Variants in TTC29 observed in about 807,000 individuals in gnomAD.
TTC29 encodes tetratricopeptide repeat domain 29.
Under a neutral mutation model 58.1 loss-of-function variants are expected in TTC29, and 49 were observed. That is an observed-to-expected ratio of 0.84 (90% CI 0.67 to 1.07). The LOEUF (loss-of-function observed/expected upper bound fraction) is 1.07, where lower values mean the gene tolerates loss of function less well. Ranked by LOEUF, TTC29 falls within the 50% of genes least tolerant of loss-of-function variation. The pLI is 0.00. For missense variants in TTC29, 582 were observed against 555.6 expected, an observed-to-expected ratio of 1.05 and a Z score of -0.48; for synonymous variants, 209 against 196.8, an observed-to-expected ratio of 1.06 and a Z score of -0.52.
chr4:146,756,032 C>A (rs149194080), intron 11 of TTC29, among the ~76,000 whole-genome samples: 1 of 151,870 alleles, frequency 6.6e-6, no homozygotes, highest in Non-Finnish European at 1.5e-5. Flanking sequence ...CCCAGCAATT[C>A]GGGAGGCCGA....
chr4:146,721,808 CA>C (rs1743380773), intron 11 of TTC29, among the ~76,000 whole-genome samples: 1 of 152,060 alleles, frequency 6.6e-6, no homozygotes, highest in African/African-American at 2.4e-5. Flanking sequence ...AAGTCCTACC[CA>C]GAGCAATCAG....
chr4:146,808,882 T>A (rs1579723795), intron 10 of TTC29, among the ~76,000 whole-genome samples: 1 of 151,600 alleles, frequency 6.6e-6, no homozygotes, highest in Non-Finnish European at 1.5e-5. Context: ...TTAGAAAAAA[T>A]TACTTTAAAT....
intron 4 of TTC29, among the ~76,000 whole-genome samples, chr4:146,910,911 G>A (rs1195937221): frequency 1.3e-5 from 2 of 152,134 alleles, no homozygotes; most frequent in Non-Finnish European, 2.9e-5. Flanking sequence ...AGAAAAGTAT[G>A]GAGAAAGGCA....
chr4:146,760,636 A>G (rs1746812765), intron 11 of TTC29, among the ~76,000 whole-genome samples: 1 of 151,678 alleles, frequency 6.6e-6, no homozygotes, highest in Non-Finnish European at 1.5e-5. Context: ...GAACCCAAAT[A>G]CTTCGAGCCA....
intron 2 of TTC29, among the ~76,000 whole-genome samples, 187 bp from the exon 3 acceptor site, chr4:146,940,088 C>A (rs73855090): frequency 0.075 from 11,368 of 152,156 alleles, 1,441 homozygotes; most frequent in African/African-American, 0.26. Context: ...TCATTATTTT[C>A]TTCCATTGTC....
intron 6 of TTC29, among the ~76,000 whole-genome samples, chr4:146,895,896 T>G (rs1292725722): frequency 6.6e-6 from 1 of 152,142 alleles, no homozygotes; most frequent in Non-Finnish European, 1.5e-5. Context: ...TTCTACTTGT[T>G]TTTTTAATAG....
chr4:146,924,604 C>T (rs1734802665), intron 4 of TTC29, among the ~76,000 whole-genome samples: 2 of 151,740 alleles, frequency 1.3e-5, no homozygotes, highest in Admixed American at 1.3e-4. Flanking sequence ...CTTTTCATTT[C>T]CCAAATTGGT....
intron 7 of TTC29, among the ~76,000 whole-genome samples, chr4:146,869,097 TAAAAA>T (rs35029868): frequency 6.3e-5 from 7 of 110,464 alleles, no homozygotes; most frequent in Admixed American, 1.9e-4. Flanking sequence ...GAGCTTTAAG[TAAAAA>T]AAAAAAAAAA....
rs1013522369 is a variant in TTC29 at position 146,820,340 on chromosome 4, G to A, written c.978-92C>T. On this transcript the variant is annotated intron_variant, in intron 9 of 12. Coordinates refer to ENST00000325106, the MANE Select transcript of TTC29 (RefSeq NM_031956.4). ...ATCTTGTGTCTTTGCTGTAGAAAAT[G>A]CAAGATGGTTATCAGGATAATAAGA... 4.4e-6 allele frequency: 6 copies of A among 1,368,600 alleles called. No individual in the cohort carries two copies. The Admixed American group carries it at 1.5e-4, about 35-fold the overall frequency. 84.8% of individuals were successfully genotyped at this position (1,368,600 alleles called of 1,614,324 possible).
At position 146,915,047 on chromosome 4, in the gene TTC29, T is replaced by C. The variant is rs139863672; in HGVS notation, c.177-5798A>G. On this transcript the variant is annotated intron_variant, in intron 4 of 12. Transcript: ENST00000325106. ...GCACTGTGTAGACATCATTTCTAAC[T>C]GGCACAATAACTGTATAAAGAACTA... Among the ~76,000 whole-genome samples the C allele has an allele frequency of 5.1e-4, 78 of 152,254 alleles. 1 individual carries two copies. In the East Asian group the frequency reaches 0.014, roughly 27 times the overall value.
At chr4:146,792,546 T>C (rs1749539756) in intron 11 of TTC29, among the ~76,000 whole-genome samples, 1 of 152,154 alleles carries the variant, frequency 6.6e-6, no homozygotes, top group Non-Finnish European at 1.5e-5. Context: ...GCACCCAAGA[T>C]TGCTCTGATA....
At chr4:146,781,690 C>T (rs1012259333) in intron 11 of TTC29, among the ~76,000 whole-genome samples, 2 of 151,956 alleles carry the variant, frequency 1.3e-5, no homozygotes, top group East Asian at 3.9e-4. Flanking sequence ...TATTCCAATA[C>T]TGCCTTATCT....
chr4:146,863,480 G>A (rs963369479), intron 8 of TTC29, among the ~76,000 whole-genome samples: 4 of 152,156 alleles, frequency 2.6e-5, no homozygotes, highest in African/African-American at 9.7e-5. Context: ...ATGTTCTCCA[G>A]AGAAACAGAA....
chr4:146,772,321 G>A (rs1386885928), intron 11 of TTC29, among the ~76,000 whole-genome samples: 2 of 151,974 alleles, frequency 1.3e-5, no homozygotes, highest in Admixed American at 6.6e-5. Context: ...TAAAATCTTT[G>A]CCAGGTCCTA....
intron 10 of TTC29, among the ~76,000 whole-genome samples, chr4:146,818,711 T>G (rs1240263819): frequency 4.6e-5 from 7 of 152,062 alleles, no homozygotes; most frequent in Admixed American, 1.3e-4. Context: ...TAGACTGGAT[T>G]AAGAAAATGT....
intron 8 of TTC29, among the ~76,000 whole-genome samples, chr4:146,846,992 G>T (rs1187858055): frequency 6.6e-6 from 1 of 152,126 alleles, no homozygotes. Context: ...TCCATATCAG[G>T]CTGTGTGAAC....
intron 11 of TTC29, among the ~76,000 whole-genome samples, chr4:146,723,435 C>T (rs1262217570): frequency 6.6e-6 from 1 of 152,064 alleles, no homozygotes; most frequent in Non-Finnish European, 1.5e-5. Context: ...AATAAACTAT[C>T]AACAGAGTAA....
intron 6 of TTC29, among the ~76,000 whole-genome samples, chr4:146,885,368 T>C (rs2150239162): frequency 6.6e-6 from 1 of 152,218 alleles, no homozygotes; most frequent in South Asian, 2.1e-4. Context: ...ACACCATTAA[T>C]CACTCAAAAT....
chr4:146,916,679 A>G (rs1734243296), intron 4 of TTC29, among the ~76,000 whole-genome samples: 1 of 151,596 alleles, frequency 6.6e-6, no homozygotes, highest in Non-Finnish European at 1.5e-5. Flanking sequence ...TCTACTGGAA[A>G]TTTAGCAAAC....
Sources: allele counts gnomAD v4.1 joint callset (sites outside exome capture counted in the v4.1 genomes callset), GRCh38; gene constraint gnomAD v4.1.1; transcripts MANE v1.5; gene names NCBI Gene and HGNC (gene_info 2026-07-23, HGNC 2026-07-21).